The following ROBO2 variants were observed in gnomAD, a reference collection of about 807,000 sequenced individuals.
ROBO2 encodes roundabout homolog 2.
Under a neutral mutation model 160.8 loss-of-function variants are expected in ROBO2, and 53 were observed. The observed-to-expected ratio is 0.33, with a 90% CI of 0.26 to 0.41. ROBO2 has a LOEUF of 0.41. Ranked by LOEUF, ROBO2 falls within the 10% of genes least tolerant of loss-of-function variation. The pLI is 1.00. For missense variants in ROBO2, 1,577 were observed against 1,722.4 expected (o/e 0.92, Z 1.49); for synonymous variants, 664 against 611.7 (o/e 1.09, Z -1.26).
At chr3:76,789,497 A>G (rs374378912) in intron 2 of ROBO2, among the ~76,000 whole-genome samples, 1 of 151,552 alleles carries the variant, frequency 6.6e-6, no homozygotes, top group Admixed American at 6.6e-5. Flanking sequence ...AGACAGAAGC[A>G]TGTTGTCTGA....
intron 1 of ROBO2, among the ~76,000 whole-genome samples, chr3:77,093,668 C>G (rs1285967086): frequency 4.6e-5 from 7 of 152,090 alleles, no homozygotes; most frequent in Admixed American, 4.6e-4. Flanking sequence ...TTTAAGAAAG[C>G]TCAGAATTAA....
At chr3:77,294,804 C>G (rs1352423850) in intron 2 of ROBO2, among the ~76,000 whole-genome samples, 1 of 150,614 alleles carries the variant, frequency 6.6e-6, no homozygotes, top group African/African-American at 2.5e-5. Context: ...TAAGCTGAGG[C>G]TAGATCACCC....
intron 2 of ROBO2, among the ~76,000 whole-genome samples, chr3:77,215,437 C>A (rs916987690): frequency 2.6e-5 from 4 of 152,162 alleles, no homozygotes; most frequent in Non-Finnish European, 5.9e-5. Context: ...CCATCAGGTC[C>A]TTTAAGGACT....
At chr3:75,955,624 A>C (rs1173631864) in intron 2 of ROBO2, among the ~76,000 whole-genome samples, 1 of 151,760 alleles carries the variant, frequency 6.6e-6, no homozygotes, top group African/African-American at 2.4e-5. Flanking sequence ...CCTAAAACTT[A>C]AAGTATAATA....
intron 2 of ROBO2, among the ~76,000 whole-genome samples, chr3:76,503,074 G>A (rs1489727937): frequency 6.6e-6 from 1 of 151,800 alleles, no homozygotes; most frequent in Non-Finnish European, 1.5e-5. Context: ...TAACTTACAT[G>A]ATCACAAAGT....
At chr3:76,769,996 G>A (rs1053721730) in intron 2 of ROBO2, among the ~76,000 whole-genome samples, 13 of 151,348 alleles carry the variant, frequency 8.6e-5, no homozygotes, top group African/African-American at 3.1e-4. Flanking sequence ...TATTACCATT[G>A]CCAACATGTA....
At chr3:77,499,855 G>A (rs2087318685) in intron 5 of ROBO2, among the ~76,000 whole-genome samples, 1 of 151,912 alleles carries the variant, frequency 6.6e-6, no homozygotes, top group African/African-American at 2.4e-5. Flanking sequence ...CACCATGTTG[G>A]CCAGGCTCGT....
At chr3:76,213,382 G>A (rs939949447) in intron 2 of ROBO2, among the ~76,000 whole-genome samples, 3 of 152,052 alleles carry the variant, frequency 2.0e-5, no homozygotes, top group Non-Finnish European at 2.9e-5. Flanking sequence ...AAGAGTATGG[G>A]AAATTCCTTT....
chr3:76,411,819 A>T (rs1251158341), intron 2 of ROBO2, among the ~76,000 whole-genome samples: 1 of 152,186 alleles, frequency 6.6e-6, no homozygotes, highest in African/African-American at 2.4e-5. Flanking sequence ...GAATGTGTAT[A>T]TGTCCTGTGA....
intron 2 of ROBO2, among the ~76,000 whole-genome samples, chr3:76,704,103 T>C (rs1253021952): frequency 6.6e-6 from 1 of 152,102 alleles, no homozygotes; most frequent in Non-Finnish European, 1.5e-5. Flanking sequence ...TATTCTTTTG[T>C]AAAGAAATGT....
chr3:76,815,540 G>T (rs1378429961), intron 2 of ROBO2, among the ~76,000 whole-genome samples: 1 of 151,028 alleles, frequency 6.6e-6, no homozygotes, highest in African/African-American at 2.4e-5. Context: ...CAACTATTTT[G>T]TATCAGTTTC....
At chr3:77,126,752 A>G (rs1341332540) in intron 2 of ROBO2, among the ~76,000 whole-genome samples, 1 of 134,828 alleles carries the variant, frequency 7.4e-6, no homozygotes, top group Non-Finnish European at 1.6e-5. Context: ...TTTGTGGGAT[A>G]TATTTCATGT....
At chr3:77,197,386 C>A (rs898659502) in intron 2 of ROBO2, among the ~76,000 whole-genome samples, 1 of 152,154 alleles carries the variant, frequency 6.6e-6, no homozygotes, top group Non-Finnish European at 1.5e-5. Flanking sequence ...TAACTGGGTC[C>A]ATGAGGCACA....
chr3:77,101,371 G>A (rs1303848749), intron 2 of ROBO2, among the ~76,000 whole-genome samples: 1 of 152,174 alleles, frequency 6.6e-6, no homozygotes, highest in Non-Finnish European at 1.5e-5. Context: ...GGCAGGTACA[G>A]GAGAAATAAC....
chr3:76,997,668 C>T (rs748033340), intron 2 of ROBO2, among the ~76,000 whole-genome samples: 35 of 152,268 alleles, frequency 2.3e-4, no homozygotes, highest in Non-Finnish European at 4.3e-4. Flanking sequence ...GAGAGAAGAT[C>T]GTATAAGTTG....
intron 1 of ROBO2, among the ~76,000 whole-genome samples, chr3:77,047,615 G>A (rs1331557208): frequency 6.6e-6 from 1 of 151,296 alleles, no homozygotes. Flanking sequence ...TTTGAACCCA[G>A]GAGGTGGAGG....
At chr3:77,605,991 A>G (rs1261750961) in intron 20 of ROBO2, among the ~76,000 whole-genome samples, 1 of 152,170 alleles carries the variant, frequency 6.6e-6, no homozygotes, top group Non-Finnish European at 1.5e-5. Context: ...TGATACTACA[A>G]CAGAAGAAAT....
chr3:77,537,760 A>G (rs1249107254), intron 6 of ROBO2, among the ~76,000 whole-genome samples: 1 of 152,182 alleles, frequency 6.6e-6, no homozygotes, highest in East Asian at 1.9e-4. Flanking sequence ...CAATCATGGC[A>G]GAAGAGCAAG....
At position 75,978,989 on chromosome 3, in the gene ROBO2, G is replaced by A. The variant is rs139710520; in HGVS notation, c.109+41387G>A. Among the ~76,000 whole-genome samples the A allele has an allele frequency of 1.3e-3, 204 of 151,510 alleles. 1 individual carries two copies. The highest frequency in any genetic ancestry group is 3.4e-3 in the Middle Eastern group (1 of 294). The stretch of plus-strand genomic sequence containing the variant: ...ATTCTAAAGAATGAGAAATTAGAAC[G>A]AAGGTGAATACTCTCAGCTGAGGGC... On this transcript the variant is annotated intron_variant, in intron 2 of 26. Transcript: ENST00000487694.
Sources: allele counts gnomAD v4.1 joint callset (sites outside exome capture counted in the v4.1 genomes callset), GRCh38; gene constraint gnomAD v4.1.1; transcripts MANE v1.5; gene names NCBI Gene and HGNC (gene_info 2026-07-23, HGNC 2026-07-21).